Variants in GNAT3 observed in about 807,000 individuals in gnomAD.
GNAT3 encodes the protein G protein subunit alpha transducin 3.
In GNAT3, 31 loss-of-function variants were observed where a neutral mutation model predicts 37.7. The ratio of observed to expected loss-of-function variants is 0.82; its 90% CI spans 0.62 to 1.11. GNAT3 has a LOEUF of 1.11. Ranked by LOEUF, GNAT3 falls within the 50% of genes most tolerant of loss-of-function variation. GNAT3 has a pLI of 0.00. For missense variants in GNAT3, 437 were observed against 412.5 expected (o/e 1.06, Z -0.51); for synonymous variants, 138 against 139.8 (o/e 0.99, Z 0.09).
chr7:80,499,078 GA>G (rs957119012), intron 1 of GNAT3, among the ~76,000 whole-genome samples: 26 of 152,008 alleles, frequency 1.7e-4, no homozygotes, highest in African/African-American at 4.8e-4. Context: ...TCACACATAA[GA>G]TTTTTTTTTG....
chr7:80,474,208 A>G lies in GNAT3; in HGVS notation c.590+43T>C, dbSNP rs150652695. 3,068 of 1,578,302 alleles carry G rather than the reference A, an allele frequency of 1.9e-3. 53 individuals carry two copies. The African/African-American group carries it at 0.037, about 19-fold the overall frequency. Reference sequence around the variant, plus strand: ...TCTCCATGAGGAAATATTAAGCCTGATGCATACTTCTGTCTACAGTTAGAA... The same window carrying G: ...TCTCCATGAGGAAATATTAAGCCTGGTGCATACTTCTGTCTACAGTTAGAA... On this transcript the variant is annotated intron_variant, in intron 5 of 7. Coordinates refer to ENST00000398291, the MANE Select transcript of GNAT3 (RefSeq NM_001102386.3).
chr7:80,462,537 C>A lies in GNAT3; in HGVS notation c.685G>T (p.Ala229Ser). The A allele has an allele frequency of 6.2e-7, 1 of 1,613,742 alleles. No homozygotes were observed. The highest frequency in any genetic ancestry group is 8.5e-7 in the Non-Finnish European group (1 of 1,179,742). ...TCIIFCAALS[A>S]YDMVLVEDEE... is the part of the protein sequence containing the mutation. ...TCTTCCACGAGGACCATGTCATAGG[C>A]ACTAAGTGCAGCACAAAATATAATG... The change falls in exon 6 of 8, where the codon GCC (alanine) becomes TCC (serine). Residue 229 changes from alanine to serine, a missense_variant. By Grantham distance (99) the Ala-to-Ser change is moderately conservative. Coordinates refer to ENST00000398291, the MANE Select transcript of GNAT3 (RefSeq NM_001102386.3).
chr7:80,466,301 T>C (rs947613589), intron 5 of GNAT3, among the ~76,000 whole-genome samples: 2 of 152,142 alleles, frequency 1.3e-5, no homozygotes, highest in Non-Finnish European at 2.9e-5. Context: ...CTTTGTAGTC[T>C]CCTTTTCCCT....
At chr7:80,497,649 CGT>C in intron 1 of GNAT3, among the ~76,000 whole-genome samples, 1 of 114,560 alleles carries the variant, frequency 8.7e-6, no homozygotes, top group Non-Finnish European at 1.7e-5. Context: ...TATACATATA[CGT>C]ATATACATAT....
intron 5 of GNAT3, among the ~76,000 whole-genome samples, chr7:80,471,713 G>A (rs2116156566): frequency 6.6e-6 from 1 of 152,266 alleles, no homozygotes; most frequent in Middle Eastern, 3.4e-3. Context: ...GCCATACAGT[G>A]TAAGGAGTGT....
intron 1 of GNAT3, among the ~76,000 whole-genome samples, chr7:80,501,180 T>C (rs1380692139): frequency 6.6e-6 from 1 of 152,052 alleles, no homozygotes; most frequent in Admixed American, 6.6e-5. Flanking sequence ...AAACACATTG[T>C]TTATTTTTCC....
chr7:80,479,729 A>C (rs1033049818), intron 3 of GNAT3, among the ~76,000 whole-genome samples: 1 of 151,684 alleles, frequency 6.6e-6, no homozygotes, highest in Admixed American at 6.6e-5. Context: ...AAAAAAAAAA[A>C]AATTAGAGTA....
At chr7:80,507,651 C>T (rs1385517647) in intron 1 of GNAT3, among the ~76,000 whole-genome samples, 2 of 151,950 alleles carry the variant, frequency 1.3e-5, no homozygotes, top group East Asian at 3.9e-4. Context: ...TCAATTTCCA[C>T]CTCAGGTGAT....
Position 80,467,398 on chromosome 7 carries a change from A to G in GNAT3, c.591-4767T>C, listed in dbSNP as rs189609935. ...GCACATTTCTCTAATGCCATCTGCT[A>G]TTATTGAACTGAAATGCTCATTAGC... On this transcript the variant is annotated intron_variant, in intron 5 of 7. Transcript: ENST00000398291. Among the ~76,000 whole-genome samples the G allele has an allele frequency of 1.6e-3, 250 of 152,262 alleles. 1 individual carries two copies. Among genetic ancestry groups the G allele is most frequent in the African/African-American group, 5.6e-3 (231 of 41,566 alleles).
chr7:80,477,565 A>AT (rs1790327285), intron 4 of GNAT3, among the ~76,000 whole-genome samples: 2 of 151,944 alleles, frequency 1.3e-5, no homozygotes, highest in Non-Finnish European at 2.9e-5. Context: ...ATTACAGAAA[A>AT]TTTTTTCTCT....
At chr7:80,466,480 G>A (rs1005860145) in intron 5 of GNAT3, among the ~76,000 whole-genome samples, 2 of 152,054 alleles carry the variant, frequency 1.3e-5, no homozygotes, top group East Asian at 1.9e-4. Flanking sequence ...CCTGCAGAGT[G>A]ACCAAATATT....
rs1415636851 is a variant in GNAT3, at chr7:80,468,374, G to A, written c.591-5743C>T. Among the ~76,000 whole-genome samples, 5 of 152,100 alleles carry A rather than the reference G, an allele frequency of 3.3e-5. No individual in the cohort carries two copies. In the South Asian group the frequency reaches 8.3e-4, roughly 25 times the overall value. On this transcript the variant is annotated intron_variant, in intron 5 of 7. Coordinates refer to ENST00000398291, the MANE Select transcript of GNAT3 (RefSeq NM_001102386.3). The stretch of plus-strand genomic sequence containing the variant: ...CTAAAAATCAACAATGCTACTGCAG[G>A]TAATTTATTTGTTAGATGTCTTTGC...
chr7:80,509,203 G>A (rs1468647642), intron 1 of GNAT3, among the ~76,000 whole-genome samples: 2 of 151,976 alleles, frequency 1.3e-5, no homozygotes, highest in South Asian at 2.1e-4. Flanking sequence ...TTACAGTTTC[G>A]AGAATTTGAA....
rs138660064 is a variant in GNAT3 at position 80,462,510 on chromosome 7, C to T, written c.712G>A (p.Glu238Lys). The change falls in exon 6 of 8, where the codon GAA (glutamate) becomes AAA (lysine). Residue 238 changes from glutamate to lysine, a missense_variant. Coordinates refer to ENST00000398291, the MANE Select transcript of GNAT3 (RefSeq NM_001102386.3). ...TTTTCCTTTAGACTTACCACTTCTT[C>T]GTCTTCCACGAGGACCATGTCATAG... ...SAYDMVLVEDEEVNRMHESLH... is the reference protein window; with the variant it reads ...SAYDMVLVEDKEVNRMHESLH... 3.8e-5 allele frequency: 62 copies of T among 1,612,820 alleles called. No individual in the cohort carries two copies. Among genetic ancestry groups the T allele is most frequent in the African/African-American group, 2.1e-4 (16 of 74,890 alleles).
chr7:80,493,736 TCCTCTTTCCTCCTCCA>T (rs1247338145), intron 2 of GNAT3, among the ~76,000 whole-genome samples: 6,958 of 78,154 alleles, frequency 0.089, 1,765 homozygotes, highest in Non-Finnish European at 0.14. Flanking sequence ...CTCCTCCTCC[TCCTCTTTCCTCCTCCA>T]CCTCTTTCCT....
At chr7:80,493,565 T>C (rs7802311) in intron 2 of GNAT3, among the ~76,000 whole-genome samples, 39,099 of 149,094 alleles carry the variant, frequency 0.26, 9,433 homozygotes, top group African/African-American at 0.66. Context: ...TTTAAAAATA[T>C]GCTCAAAAAT....
At chr7:80,472,673 A>G (rs1442196092) in intron 5 of GNAT3, among the ~76,000 whole-genome samples, 1 of 152,136 alleles carries the variant, frequency 6.6e-6, no homozygotes, top group Non-Finnish European at 1.5e-5. Flanking sequence ...TCAACAGGTA[A>G]CATCACTTGT....
intron 1 of GNAT3, among the ~76,000 whole-genome samples, chr7:80,502,318 C>G (rs1790848486): frequency 1.3e-5 from 2 of 151,966 alleles, no homozygotes; most frequent in South Asian, 2.1e-4. Context: ...GTTATATGAG[C>G]TTTCTTGGAT....
intron 1 of GNAT3, among the ~76,000 whole-genome samples, chr7:80,505,121 A>C (rs553673208): frequency 6.6e-6 from 1 of 152,146 alleles, no homozygotes; most frequent in African/African-American, 2.4e-5. Context: ...ATCAGTTGGG[A>C]GAAGTGTATC....
Sources: gnomAD v4.1 joint callset for allele counts (sites outside exome capture counted in the v4.1 genomes callset) on GRCh38, gnomAD v4.1.1 for gene constraint, MANE v1.5 for transcripts, NCBI Gene and HGNC (gene_info 2026-07-23, HGNC 2026-07-21) for gene names.